ASMTL: variants seen among roughly 807,000 people sequenced by gnomAD.
The protein encoded by ASMTL is acetylserotonin O-methyltransferase like.
In ASMTL, 57 loss-of-function variants were observed where a neutral mutation model predicts 60.3. The ratio of observed to expected loss-of-function variants is 0.95; its 90% CI spans 0.76 to 1.18. ASMTL has a LOEUF of 1.18. Among genes scored for constraint, ASMTL ranks in the 50% most tolerant of loss-of-function variants. The pLI, the probability that ASMTL is intolerant of heterozygous loss-of-function variation, is 0.00. For synonymous variants in ASMTL, 419 were observed against 373.0 expected, an observed-to-expected ratio of 1.12 and a Z score of -1.42; for missense variants, 981 against 852.6, an observed-to-expected ratio of 1.15 and a Z score of -1.88.
intron 11 of ASMTL, among the ~76,000 whole-genome samples, chrX:1,417,735 CAG>C (rs1384834865): frequency 2.2e-5 from 2 of 92,106 alleles, no homozygotes; most frequent in East Asian, 3.8e-4. Flanking sequence ...CACACACACA[CAG>C]ACATGCTCAC....
intron 9 of ASMTL, among the ~76,000 whole-genome samples, chrX:1,420,335 C>T (rs2090448844): frequency 6.6e-6 from 1 of 151,852 alleles, no homozygotes; most frequent in South Asian, 2.1e-4. Flanking sequence ...CTGCCTCCAT[C>T]TCTGTCTGTC....
chrX:1,411,138 C>T (rs112041058), intron 12 of ASMTL, among the ~76,000 whole-genome samples: 15,266 of 151,332 alleles, frequency 0.1, 877 homozygotes, highest in Admixed American at 0.14. Flanking sequence ...GAGCCAAGAT[C>T]GTGCCACTGC....
At chrX:1,436,464 T>C (rs1383039650) in intron 3 of ASMTL, among the ~76,000 whole-genome samples, 1 of 152,204 alleles carries the variant, frequency 6.6e-6, no homozygotes, top group East Asian at 1.9e-4. Flanking sequence ...GCCATTCTCC[T>C]GCCTCAGCCT....
chrX:1,428,712 C>T lies in ASMTL; in HGVS notation c.510-591G>A, dbSNP rs1222428599. Among the ~76,000 whole-genome samples, 48 of 138,886 alleles carry T rather than the reference C, an allele frequency of 3.5e-4. 2 individuals carry two copies. Among genetic ancestry groups the T allele is most frequent in the African/African-American group, 9.8e-4 (37 of 37,832 alleles). 91.1% of individuals were successfully genotyped at this position (138,886 alleles called of 152,430 possible). A position where few individuals can be genotyped will look rare whatever the true frequency, so the allele number is the denominator to read the frequency against. On this transcript the variant is annotated intron_variant, in intron 6 of 12. Transcript: ENST00000381317. ...GGATGTTTTGACATATGTATACATG[C>T]GTCATCATTAAATCAAGCCAATTAT... is the stretch of plus-strand genomic sequence containing the variant.
At position 1,433,468 on chromosome X, in the gene ASMTL, C is replaced by A. The variant is rs779808695; in HGVS notation, c.401-1091G>T. On this transcript the variant is annotated intron_variant, in intron 5 of 12. Transcript: ENST00000381317. ...ATCACAAGGTCAGGAGATCGAGACC[C>A]TCCTGGCTACCACGGTGAAACCCCG... is the stretch of plus-strand genomic sequence containing the variant. 6.9e-4 allele frequency among the ~76,000 whole-genome samples: 102 copies of A among 147,520 alleles called. 1 individual carries two copies. Among genetic ancestry groups the A allele is most frequent in the East Asian group, 3.4e-3 (17 of 4,942 alleles).
Position 1,425,639 on chromosome X carries a change from C to T in ASMTL, c.946G>A (p.Glu316Lys), listed in dbSNP as rs1160422711. The T allele has an allele frequency of 6.2e-7, 1 of 1,613,736 alleles. No individual in the cohort carries two copies. Among genetic ancestry groups the T allele is most frequent in the South Asian group, 1.1e-5 (1 of 91,070 alleles). The stretch of plus-strand genomic sequence containing the variant: ...ATATCCGCAGCCTTCTGGGGTGCTT[C>T]ATCTTTTAACAAATCGAACACCTTC... ...KLKVFDLLKD[E>K]APQKAADIAS... Residue 316 changes from glutamate (E) to lysine (K), a missense_variant, in exon 8 of 13, where the codon GAA becomes AAA. Glu to Lys is a moderately conservative substitution (Grantham distance 56). Transcript: ENST00000381317.
At chrX:1,431,711 T>A (rs1287166059) in intron 6 of ASMTL, among the ~76,000 whole-genome samples, 2 of 148,908 alleles carry the variant, frequency 1.3e-5, no homozygotes, top group African/African-American at 2.4e-5. Context: ...AAATTATATA[T>A]AATTGTAAAT....
intron 1 of ASMTL, among the ~76,000 whole-genome samples, chrX:1,451,844 C>G (rs1476714387): frequency 6.8e-6 from 1 of 146,418 alleles, no homozygotes; most frequent in African/African-American, 2.5e-5. Flanking sequence ...CTCCCCATCC[C>G]CATCCATGGG....
At chrX:1,416,974 A>G (rs753125464) in intron 11 of ASMTL, among the ~76,000 whole-genome samples, 16 of 151,840 alleles carry the variant, frequency 1.1e-4, no homozygotes, top group Admixed American at 1.3e-4. Flanking sequence ...ACAGACACGC[A>G]TGCAAGGACA....
intron 9 of ASMTL, among the ~76,000 whole-genome samples, chrX:1,419,367 T>TG (rs1378563866): frequency 6.6e-6 from 1 of 152,182 alleles, no homozygotes; most frequent in African/African-American, 2.4e-5. Context: ...CACCACAGCC[T>TG]GAACTCCAAG....
At chrX:1,421,572 G>A in intron 9 of ASMTL, 86 bp downstream of exon 9, 2 of 1,431,918 alleles carry the variant, frequency 1.4e-6, no homozygotes, top group Non-Finnish European at 1.9e-6. Flanking sequence ...AGACAGACTG[G>A]TCAAGGTGCC....
At chrX:1,451,363 C>G (rs1232196429) in intron 1 of ASMTL, among the ~76,000 whole-genome samples, 18 of 149,664 alleles carry the variant, frequency 1.2e-4, no homozygotes, top group African/African-American at 3.9e-4. Context: ...CTTGGGGGTC[C>G]CGGGTCACCC....
chrX:1,423,889 C>G (rs766019663), intron 8 of ASMTL, among the ~76,000 whole-genome samples: 1 of 151,326 alleles, frequency 6.6e-6, no homozygotes, highest in South Asian at 2.1e-4. Flanking sequence ...TCCATCCATC[C>G]ACCTACCCAT....
In ASMTL at chrX:1,432,389, C is replaced by G; in HGVS notation, c.401-12G>C. Reference sequence around the variant, plus strand: ...GTCCAGCTGATGGTCTGCAAGGACACAGCCGTGGGGGTGAGCGTGGACGCC... The same window carrying G: ...GTCCAGCTGATGGTCTGCAAGGACAGAGCCGTGGGGGTGAGCGTGGACGCC... On this transcript the variant is annotated splice_polypyrimidine_tract_variant and intron_variant, in intron 5 of 12. Transcript: ENST00000381317. The G allele has an allele frequency of 6.2e-7, 1 of 1,608,406 alleles. No homozygotes were observed. Among genetic ancestry groups the G allele is most frequent in the Non-Finnish European group, 8.5e-7 (1 of 1,176,556 alleles).
At chrX:1,429,883 C>T (rs1223133562) in intron 6 of ASMTL, among the ~76,000 whole-genome samples, 2 of 152,004 alleles carry the variant, frequency 1.3e-5, no homozygotes, top group Admixed American at 6.6e-5. Flanking sequence ...CCATCGAGCA[C>T]CTCATGTACC....
At chrX:1,421,465 T>C (rs2090482448) in intron 9 of ASMTL, among the ~76,000 whole-genome samples, 193 bp downstream of exon 9, 1 of 152,046 alleles carries the variant, frequency 6.6e-6, no homozygotes, top group South Asian at 2.1e-4. Context: ...GTGGAGGATG[T>C]CTAAGTTGCA....
At chrX:1,424,923 T>G (rs2090575599) in intron 8 of ASMTL, among the ~76,000 whole-genome samples, 1 of 107,134 alleles carries the variant, frequency 9.3e-6, no homozygotes, top group Non-Finnish European at 2.0e-5. Context: ...TCCATGTATC[T>G]ATCCATCCAT....
At chrX:1,439,638 G>A (rs1417622772) in intron 2 of ASMTL, among the ~76,000 whole-genome samples, 6 of 152,104 alleles carry the variant, frequency 3.9e-5, no homozygotes, top group Admixed American at 1.3e-4. Context: ...CCTGAGGTCA[G>A]GAGTTCGAGA....
intron 11 of ASMTL, among the ~76,000 whole-genome samples, chrX:1,417,069 GACAC>G (rs1300300782): frequency 8.7e-5 from 13 of 148,880 alleles, no homozygotes; most frequent in African/African-American, 3.2e-4. Flanking sequence ...TATCCACACA[GACAC>G]ACACCATGCA....
Sources: gnomAD v4.1 joint callset for allele counts (sites outside exome capture counted in the v4.1 genomes callset) on GRCh38, gnomAD v4.1.1 for gene constraint, MANE v1.5 for transcripts, NCBI Gene and HGNC (gene_info 2026-07-23, HGNC 2026-07-21) for gene names.